MAMDC2: variants seen among roughly 807,000 people sequenced by gnomAD.
MAMDC2 encodes the protein MAM domain containing 2, also known as MAM domain-containing protein 2.
A neutral mutation model predicts 89.8 loss-of-function variants in MAMDC2; 57 were observed. The observed-to-expected ratio is 0.63, with a 90% CI of 0.51 to 0.79. The LOEUF is 0.79. Among genes scored for constraint, MAMDC2 ranks in the 30% least tolerant of loss-of-function variants. The pLI, the probability that MAMDC2 is intolerant of heterozygous loss-of-function variation, is 0.00. For synonymous variants in MAMDC2, 313 were observed against 293.4 expected (o/e 1.07, Z -0.68); for missense variants, 800 against 820.6 (o/e 0.97, Z 0.31).
chr9:70,087,543 G>A (rs1296550814), intron 2 of MAMDC2: 1 of 152,064 alleles, frequency 6.6e-6, no homozygotes, highest in African/African-American at 2.4e-5. Context: ...ATTTACCTGA[G>A]CTGGCTCATG....
intron 11 of MAMDC2, among the ~76,000 whole-genome samples, chr9:70,188,127 C>A (rs1320843152): frequency 2.0e-5 from 3 of 152,172 alleles, no homozygotes; most frequent in African/African-American, 7.2e-5. Flanking sequence ...ATTGTAGCCA[C>A]TCCAGTTCTT....
chr9:70,123,304 CACT>C (rs971529014), intron 5 of MAMDC2, among the ~76,000 whole-genome samples: 1 of 152,148 alleles, frequency 6.6e-6, no homozygotes, highest in Non-Finnish European at 1.5e-5. Context: ...AGGCATTCTC[CACT>C]ACTAGAATGT....
chr9:70,062,138 C>A (rs1342405760), intron 2 of MAMDC2, among the ~76,000 whole-genome samples: 1 of 152,018 alleles, frequency 6.6e-6, no homozygotes, highest in Non-Finnish European at 1.5e-5. Context: ...TTTGAAATTT[C>A]TATGCTTGCT....
chr9:70,067,643 T>C (rs1382604950), intron 2 of MAMDC2, among the ~76,000 whole-genome samples: 1 of 152,224 alleles, frequency 6.6e-6, no homozygotes, highest in South Asian at 2.1e-4. Flanking sequence ...TAGGGGCCAG[T>C]CATTGGCTGG....
chr9:70,206,201 T>A (rs2033220179), intron 11 of MAMDC2, among the ~76,000 whole-genome samples: 1 of 152,198 alleles, frequency 6.6e-6, no homozygotes, highest in Admixed American at 6.5e-5. Flanking sequence ...TCAATGGCAG[T>A]CTGAAAATAT....
chr9:70,149,499 T>C (rs780514543), intron 9 of MAMDC2, among the ~76,000 whole-genome samples: 1 of 152,166 alleles, frequency 6.6e-6, no homozygotes, highest in Non-Finnish European at 1.5e-5. Context: ...CAATGTTGTC[T>C]TTATAGTCCC....
chr9:70,137,944 A>G (rs1047902805), intron 7 of MAMDC2, among the ~76,000 whole-genome samples: 1 of 152,236 alleles, frequency 6.6e-6, no homozygotes, highest in Non-Finnish European at 1.5e-5. Context: ...GTACAAATAC[A>G]GTTTTGTTAC....
intron 11 of MAMDC2, among the ~76,000 whole-genome samples, chr9:70,196,224 TATTAC>T (rs931016103): frequency 1.3e-5 from 2 of 152,070 alleles, no homozygotes; most frequent in African/African-American, 4.8e-5. Context: ...ACATGGGGAT[TATTAC>T]AGTTCAAGGT....
chr9:70,099,095 T>C lies in MAMDC2; in HGVS notation c.149-9116T>C, dbSNP rs113526538. On this transcript the variant is annotated intron_variant, in intron 2 of 13. Transcript: ENST00000377182. ...TCAAACAGAAGATGAGAATACTTTA[T>C]GTGAGTCATAAATATTTGTGATTTT... Among the ~76,000 whole-genome samples, 306 of 152,336 alleles carry C rather than the reference T, an allele frequency of 2.0e-3. 3 individuals carry two copies. Among genetic ancestry groups the C allele is most frequent in the African/African-American group, 7.0e-3 (292 of 41,582 alleles).
chr9:70,221,376 T>TAGAG (rs1471293661), intron 12 of MAMDC2, among the ~76,000 whole-genome samples: 3 of 5,792 alleles, frequency 5.2e-4, no homozygotes, highest in Non-Finnish European at 7.5e-4. Flanking sequence ...TATATATATA[T>TAGAG]ATATAGAGAG....
chr9:70,200,233 G>T (rs1360330689), intron 11 of MAMDC2, among the ~76,000 whole-genome samples: 1 of 151,552 alleles, frequency 6.6e-6, no homozygotes, highest in Non-Finnish European at 1.5e-5. Flanking sequence ...TTTGTATAAG[G>T]TGTAAGGAAG....
chr9:70,151,096 G>A (rs143395862), intron 9 of MAMDC2, among the ~76,000 whole-genome samples: 2 of 152,272 alleles, frequency 1.3e-5, no homozygotes, highest in Non-Finnish European at 2.9e-5. Context: ...GAGTCCCAAG[G>A]CCTTTCCTAG....
chr9:70,203,609 C>G (rs1332430116), intron 11 of MAMDC2, among the ~76,000 whole-genome samples: 3 of 69,130 alleles, frequency 4.3e-5, no homozygotes, highest in African/African-American at 1.3e-4. Context: ...GCCTGCCTTG[C>G]TAGATTGGGG....
chr9:70,124,950 A>G lies in MAMDC2; in HGVS notation c.644-1209A>G, dbSNP rs146084190. On this transcript the variant is annotated intron_variant, in intron 5 of 13. Transcript: ENST00000377182. ...GGTCTCAAGTTCCTGGCCTCAAGCA[A>G]TGCTCCCGCCTCAGCCTCCCAAAGT... Among the ~76,000 whole-genome samples, 1,365 of 152,258 alleles carry G rather than the reference A, an allele frequency of 9.0e-3. 25 individuals are homozygous for G. The highest frequency in any genetic ancestry group is 0.032 in the African/African-American group (1,315 of 41,552).
rs1421444400 is a variant in MAMDC2, at chr9:70,125,205, G to A, written c.644-954G>A. The stretch of plus-strand genomic sequence containing the variant: ...TTATACAAAACAGGCTATAGGGCAA[G>A]CATGGTTCTAGAATTGTGAATGGCG... On this transcript the variant is annotated intron_variant, in intron 5 of 13. Transcript: ENST00000377182. Among the ~76,000 whole-genome samples the A allele has an allele frequency of 2.0e-5, 3 of 152,352 alleles. No homozygotes were observed. In the South Asian group the frequency reaches 6.2e-4, roughly 32 times the overall value.
intron 9 of MAMDC2, 63 bp from the exon 10 acceptor site, chr9:70,168,639 G>C: frequency 1.5e-6 from 2 of 1,362,522 alleles, no homozygotes; most frequent in Non-Finnish European, 2.1e-6. Context: ...GTGAATCCCA[G>C]GTTGTTAGGA....
chr9:70,054,591 G>A (rs535752538), intron 2 of MAMDC2, among the ~76,000 whole-genome samples: 44 of 150,244 alleles, frequency 2.9e-4, no homozygotes, highest in South Asian at 1.3e-3. Context: ...TTTTTTTTTC[G>A]TTTTGTTTTG....
chr9:70,165,259 G>A (rs577624238), intron 9 of MAMDC2, among the ~76,000 whole-genome samples: 9 of 152,208 alleles, frequency 5.9e-5, no homozygotes, highest in South Asian at 2.1e-4. Context: ...CCACTCATCC[G>A]CTTGCCCAGT....
At chr9:70,058,178 T>G (rs1350872036) in intron 2 of MAMDC2, among the ~76,000 whole-genome samples, 1 of 152,206 alleles carries the variant, frequency 6.6e-6, no homozygotes, top group African/African-American at 2.4e-5. Context: ...AACACTGTGC[T>G]GAGTGCAGGA....
Sources: gnomAD v4.1 joint callset for allele counts (sites outside exome capture counted in the v4.1 genomes callset) on GRCh38, gnomAD v4.1.1 for gene constraint, MANE v1.5 for transcripts, NCBI Gene and HGNC (gene_info 2026-07-23, HGNC 2026-07-21) for gene names.